Variants in TBC1D19 observed in about 807,000 individuals in gnomAD.
TBC1D19 encodes the protein TBC1 domain family, member 19.
Under a neutral mutation model 89.0 loss-of-function variants are expected in TBC1D19, and 60 were observed. The observed-to-expected ratio is 0.67, with a 90% CI of 0.55 to 0.84. The LOEUF is 0.84. Among genes scored for constraint, TBC1D19 ranks in the 40% least tolerant of loss-of-function variants. The pLI, the probability that TBC1D19 is intolerant of heterozygous loss-of-function variation, is 0.00. For missense variants in TBC1D19, 500 were observed against 610.8 expected (o/e 0.82, Z 1.91); for synonymous variants, 189 against 199.7 (o/e 0.95, Z 0.45).
intron 15 of TBC1D19, among the ~76,000 whole-genome samples, chr4:26,727,385 C>A (rs1030884936): frequency 1.3e-5 from 2 of 152,058 alleles, no homozygotes; most frequent in African/African-American, 2.4e-5. Flanking sequence ...TTTTTTGGAG[C>A]CTTAAGCCCA....
chr4:26,629,369 A>G (rs1173114759), intron 4 of TBC1D19, among the ~76,000 whole-genome samples: 1 of 151,968 alleles, frequency 6.6e-6, no homozygotes, highest in Non-Finnish European at 1.5e-5. Context: ...ATACTTCTCT[A>G]CTATAATACT....
At chr4:26,793,305 G>A in the TBC1D19 span, among the ~76,000 whole-genome samples, 1 of 152,212 alleles carries the variant, frequency 6.6e-6, no homozygotes, top group Admixed American at 6.5e-5. Context: ...CCTACGGTGT[G>A]TGATACAAAC....
chr4:26,605,266 A>G (rs1740918615), intron 1 of TBC1D19, among the ~76,000 whole-genome samples: 1 of 129,346 alleles, frequency 7.7e-6, no homozygotes, highest in Non-Finnish European at 1.6e-5. Flanking sequence ...ATGTGTTCTC[A>G]TTGTTCAATT....
chr4:26,638,561 A>G (rs922127349), intron 5 of TBC1D19, among the ~76,000 whole-genome samples: 1 of 152,158 alleles, frequency 6.6e-6, no homozygotes, highest in African/African-American at 2.4e-5. Context: ...CATTAGCACC[A>G]TGTTCTAACT....
rs1041129722 is a variant in TBC1D19, at chr4:26,641,624, C to T, written c.480+1437C>T. The stretch of plus-strand genomic sequence containing the variant: ...GCTTCAGAAAGTCGGTAATAACACA[C>T]GTCTCTGAGCTAAAGAAGGATGTTC... On this transcript the variant is annotated intron_variant, in intron 7 of 20. Coordinates refer to ENST00000264866, the MANE Select transcript of TBC1D19 (RefSeq NM_018317.4). Among the ~76,000 whole-genome samples the T allele has an allele frequency of 3.9e-5, 5 of 128,084 alleles. No individual in the cohort carries two copies. In the East Asian group the frequency reaches 6.7e-4, roughly 17 times the overall value. The allele number at this position is 128,084 out of a possible 152,430, so 84.0% of individuals were successfully genotyped here.
chr4:26,815,236 A>G, the TBC1D19 span, among the ~76,000 whole-genome samples: 1 of 152,232 alleles, frequency 6.6e-6, no homozygotes, highest in African/African-American at 2.4e-5. Flanking sequence ...GCCAAAATTC[A>G]CCAGAAATAT....
At chr4:26,621,132 G>A (rs1742020728) in intron 4 of TBC1D19, among the ~76,000 whole-genome samples, 1 of 152,144 alleles carries the variant, frequency 6.6e-6, no homozygotes, top group Admixed American at 6.5e-5. Flanking sequence ...GTATGCTATT[G>A]TAGAACTCTG....
At chr4:26,584,056 G>A, upstream of TBC1D19, 1 of 792,940 alleles carries the variant, frequency 1.3e-6, no homozygotes, top group Non-Finnish European at 2.0e-6. Flanking sequence ...CTCGGCAGTT[G>A]CCTGGTAACG....
chr4:26,625,501 T>A (rs1742333053), intron 4 of TBC1D19, among the ~76,000 whole-genome samples: 1 of 152,190 alleles, frequency 6.6e-6, no homozygotes, highest in African/African-American at 2.4e-5. Context: ...CCATATTGGT[T>A]GATACATTAT....
rs765340384 is a variant in TBC1D19 at position 26,613,189 on chromosome 4, G to C, written c.120G>C (p.Glu40Asp). ...RQAWASLQRPEIKLESLKEDI... is the reference protein window; with the variant it reads ...RQAWASLQRPDIKLESLKEDI... The stretch of plus-strand genomic sequence containing the variant: ...CTTAGGCCAGTCTTCAGAGACCTGA[G>C]ATTAAACTTGAATCACTGAAAGAAG... Residue 40 changes from glutamate to aspartate, a missense_variant, in exon 2 of 21, where the codon GAG (glutamate) becomes GAC (aspartate). Transcript: ENST00000264866. 6.3e-7 allele frequency: 1 copy of C among 1,574,906 alleles called. No homozygotes were observed. The highest frequency in any genetic ancestry group is 1.2e-5 in the South Asian group (1 of 84,840).
chr4:26,675,666 C>A (rs1444251940), intron 11 of TBC1D19, among the ~76,000 whole-genome samples: 1 of 152,088 alleles, frequency 6.6e-6, no homozygotes, highest in Non-Finnish European at 1.5e-5. Flanking sequence ...AAGAATACTA[C>A]TTCTTATTAG....
the TBC1D19 span, among the ~76,000 whole-genome samples, chr4:26,816,196 G>C: frequency 6.6e-6 from 1 of 151,980 alleles, no homozygotes; most frequent in South Asian, 2.1e-4. Flanking sequence ...ATAAAAACAG[G>C]CTTTGGGCTA....
At position 26,677,889 on chromosome 4, in the gene TBC1D19, G is replaced by A. The variant is rs190001776; in HGVS notation, c.816+4001G>A. The stretch of plus-strand genomic sequence containing the variant: ...GAGGCCTCCTCAGCCATGTGGAACC[G>A]TGAGTCAATTAAACCTCTTTCCTTT... On this transcript the variant is annotated intron_variant, in intron 11 of 20. Coordinates refer to ENST00000264866, the MANE Select transcript of TBC1D19 (RefSeq NM_018317.4). 2.1e-4 allele frequency among the ~76,000 whole-genome samples: 32 copies of A among 152,298 alleles called. 1 individual carries two copies. The East Asian group carries it at 2.1e-3, about 10-fold the overall frequency.
At chr4:26,693,377 A>T (rs1342378703) in intron 13 of TBC1D19, among the ~76,000 whole-genome samples, 1 of 152,126 alleles carries the variant, frequency 6.6e-6, no homozygotes, top group African/African-American at 2.4e-5. Flanking sequence ...ATATTCAAAG[A>T]ACTAAAGGAA....
chr4:26,796,493 A>G, the TBC1D19 span, among the ~76,000 whole-genome samples: 1 of 152,156 alleles, frequency 6.6e-6, no homozygotes, highest in Non-Finnish European at 1.5e-5. Flanking sequence ...TTCTTTGCTC[A>G]TATTTCTATT....
intron 7 of TBC1D19, among the ~76,000 whole-genome samples, chr4:26,656,652 G>A (rs1036100787): frequency 2.0e-5 from 3 of 151,324 alleles, no homozygotes; most frequent in South Asian, 2.1e-4. Context: ...TCCCCCTCCC[G>A]GGTTAAAGCA....
chr4:26,590,796 GTTT>G (rs869124166), intron 1 of TBC1D19, among the ~76,000 whole-genome samples: 9 of 52,956 alleles, frequency 1.7e-4, no homozygotes, highest in Admixed American at 3.4e-4. Context: ...TTGCAGGTCT[GTTT>G]TTTTTTTTTT....
At chr4:26,817,981 A>C in the TBC1D19 span, among the ~76,000 whole-genome samples, 36 of 126,014 alleles carry the variant, frequency 2.9e-4, no homozygotes, top group African/African-American at 6.6e-4. Flanking sequence ...AAAAAAAAAA[A>C]ATATATATAT....
In TBC1D19 at chr4:26,592,061, C is replaced by G. The variant is rs541719409; in HGVS notation, c.99+7769C>G. Among the ~76,000 whole-genome samples, 1,053 of 152,268 alleles carry G rather than the reference C, an allele frequency of 6.9e-3. 9 individuals are homozygous for G. The highest frequency in any genetic ancestry group is 0.023 in the African/African-American group (976 of 41,564). ...AAAAGAGAATTTTAGACCAATATCC[C>G]TGATGAACATCAATGCAAAAATCCT... On this transcript the variant is annotated intron_variant, in intron 1 of 20. Transcript: ENST00000264866.
Sources: allele counts gnomAD v4.1 joint callset (sites outside exome capture counted in the v4.1 genomes callset), GRCh38; gene constraint gnomAD v4.1.1; transcripts MANE v1.5; gene names NCBI Gene and HGNC (gene_info 2026-07-23, HGNC 2026-07-21).